The following GMDS variants were observed in gnomAD, a reference collection of about 807,000 sequenced individuals.
GMDS encodes the protein GDP-mannose 4,6 dehydratase.
GMDS carries 20 observed loss-of-function variants against 49.9 expected under a neutral mutation model. The observed-to-expected ratio is 0.40, with a 90% CI of 0.28 to 0.58. The LOEUF (loss-of-function observed/expected upper bound fraction) is 0.58. GMDS is among the 20% of genes least tolerant of loss of function. The probability of loss-of-function intolerance (pLI) is 0.42; values close to 1 mark genes in which losing one functional copy is unlikely to be tolerated. For missense variants in GMDS, 362 were observed against 481.4 expected (o/e 0.75, Z 2.32); for synonymous variants, 177 against 178.6 (o/e 0.99, Z 0.07).
In GMDS at chr6:2,130,380, G is replaced by A. The variant is rs756662247; in HGVS notation, c.103-5649C>T. Among the ~76,000 whole-genome samples, 3 of 152,218 alleles carry A rather than the reference G, an allele frequency of 2.0e-5. No individual in the cohort carries two copies. The South Asian group carries it at 6.2e-4, about 32-fold the overall frequency. ...CCTTTGATTTACCTCCTGATACAGA[G>A]AAGCACTGCAATCCAGCAACATGAT... On this transcript the variant is annotated intron_variant, in intron 1 of 10. Coordinates refer to ENST00000380815, the MANE Select transcript of GMDS (RefSeq NM_001500.4).
chr6:2,133,828 A>T (rs1775862188), intron 1 of GMDS, among the ~76,000 whole-genome samples: 1 of 152,190 alleles, frequency 6.6e-6, no homozygotes, highest in South Asian at 2.1e-4. Flanking sequence ...GTGCCCAAGG[A>T]TATATCAAAT....
At chr6:1,626,928 A>C (rs1762863622) in intron 9 of GMDS, among the ~76,000 whole-genome samples, 1 of 152,276 alleles carries the variant, frequency 6.6e-6, no homozygotes, top group Admixed American at 6.5e-5. Context: ...TTGAAACCAG[A>C]GACGCACCCA....
chr6:1,741,560 C>A (rs1195621339), intron 8 of GMDS, among the ~76,000 whole-genome samples: 1 of 151,860 alleles, frequency 6.6e-6, no homozygotes, highest in Non-Finnish European at 1.5e-5. Flanking sequence ...CCTGTAATCC[C>A]AGCACTTTGG....
chr6:1,988,901 C>G (rs572889767), intron 4 of GMDS, among the ~76,000 whole-genome samples: 4 of 151,742 alleles, frequency 2.6e-5, no homozygotes, highest in Admixed American at 2.6e-4. Context: ...CCAGGTTGAT[C>G]TGGGCAAGCT....
At chr6:1,825,232 T>C (rs9328071) in intron 7 of GMDS, among the ~76,000 whole-genome samples, 1 of 152,080 alleles carries the variant, frequency 6.6e-6, no homozygotes, top group African/African-American at 2.4e-5. Context: ...TTAACTTGTA[T>C]AGCATCCTTC....
intron 7 of GMDS, among the ~76,000 whole-genome samples, chr6:1,905,190 A>G (rs1760695067): frequency 6.6e-6 from 1 of 152,224 alleles, no homozygotes; most frequent in Non-Finnish European, 1.5e-5. Context: ...GTCCAGGGGA[A>G]AGCCTTGCAA....
At chr6:1,948,956 C>T (rs1235703819) in intron 6 of GMDS, 1 of 318,540 alleles carries the variant, frequency 3.1e-6, no homozygotes, top group Admixed American at 6.5e-5. Flanking sequence ...TCAGGACCAT[C>T]TTCTGTTGGC....
chr6:1,914,397 G>T (rs758575060), intron 7 of GMDS, among the ~76,000 whole-genome samples: 6 of 150,562 alleles, frequency 4.0e-5, no homozygotes, highest in Admixed American at 1.3e-4. Flanking sequence ...AACCCAGGAG[G>T]TGGAGCTTAA....
chr6:2,039,056 C>T (rs1198499815), intron 4 of GMDS, among the ~76,000 whole-genome samples: 1 of 152,174 alleles, frequency 6.6e-6, no homozygotes, highest in Non-Finnish European at 1.5e-5. Flanking sequence ...GCCTACTATA[C>T]GCCTAGGCTG....
At chr6:2,106,723 C>T (rs936156562) in intron 4 of GMDS, among the ~76,000 whole-genome samples, 2 of 151,842 alleles carry the variant, frequency 1.3e-5, no homozygotes, top group South Asian at 2.1e-4. Context: ...ATTAGCTGAG[C>T]GTGGTGGTGG....
intron 9 of GMDS, among the ~76,000 whole-genome samples, chr6:1,651,674 A>C (rs1018712794): frequency 6.6e-6 from 1 of 152,130 alleles, no homozygotes; most frequent in Non-Finnish European, 1.5e-5. Flanking sequence ...GCATCACACA[A>C]ATGTGACTGT....
chr6:1,881,097 T>G (rs1352377892), intron 7 of GMDS, among the ~76,000 whole-genome samples: 4 of 152,188 alleles, frequency 2.6e-5, no homozygotes, highest in Non-Finnish European at 5.9e-5. Flanking sequence ...AAAGGTATTT[T>G]TCTATCATCA....
intron 6 of GMDS, among the ~76,000 whole-genome samples, chr6:1,937,109 T>C (rs553670373): frequency 6.6e-6 from 1 of 152,326 alleles, no homozygotes; most frequent in East Asian, 1.9e-4. Context: ...TGTTCAGTAA[T>C]CTGCTGTCCC....
At chr6:1,895,487 A>C (rs1561870996) in intron 7 of GMDS, among the ~76,000 whole-genome samples, 1 of 152,252 alleles carries the variant, frequency 6.6e-6, no homozygotes, top group Non-Finnish European at 1.5e-5. Flanking sequence ...AATTAAAATG[A>C]TACAATTAAA....
At chr6:2,078,477 T>C (rs991457009) in intron 4 of GMDS, among the ~76,000 whole-genome samples, 2 of 152,258 alleles carry the variant, frequency 1.3e-5, no homozygotes, top group African/African-American at 4.8e-5. Context: ...TCCACTTTCA[T>C]TCGTTTCAAG....
At chr6:1,684,542 A>T (rs974391349) in intron 9 of GMDS, among the ~76,000 whole-genome samples, 1 of 152,234 alleles carries the variant, frequency 6.6e-6, no homozygotes, top group Non-Finnish European at 1.5e-5. Context: ...ACCGGGGAAC[A>T]TGGTAAATCT....
At chr6:2,061,639 A>G (rs1482315605) in intron 4 of GMDS, among the ~76,000 whole-genome samples, 2 of 148,068 alleles carry the variant, frequency 1.4e-5, no homozygotes, top group Non-Finnish European at 3.0e-5. Flanking sequence ...GAAATGCTTG[A>G]ACCTCGGAGA....
intron 7 of GMDS, among the ~76,000 whole-genome samples, chr6:1,915,576 T>A (rs1269722241): frequency 2.0e-5 from 3 of 152,180 alleles, no homozygotes; most frequent in African/African-American, 7.2e-5. Flanking sequence ...GTGATGGTTT[T>A]AAGTTGAAAT....
At chr6:2,010,195 T>C (rs185857941) in intron 4 of GMDS, among the ~76,000 whole-genome samples, 231 of 151,848 alleles carry the variant, frequency 1.5e-3, no homozygotes, top group Non-Finnish European at 2.4e-3. Context: ...GGTGTGGTGG[T>C]GGTCACCTGT....
Sources: gnomAD v4.1 joint callset for allele counts (sites outside exome capture counted in the v4.1 genomes callset) on GRCh38, gnomAD v4.1.1 for gene constraint, MANE v1.5 for transcripts, NCBI Gene and HGNC (gene_info 2026-07-23, HGNC 2026-07-21) for gene names.